SH3D19: variants seen among roughly 807,000 people sequenced by gnomAD.
The protein encoded by SH3D19 is SH3 domain-containing protein 19.
Under a neutral mutation model 112.1 loss-of-function variants are expected in SH3D19, and 58 were observed. The observed-to-expected ratio is 0.52, with a 90% CI of 0.42 to 0.64. The LOEUF (loss-of-function observed/expected upper bound fraction) is 0.64. Ranked by LOEUF, SH3D19 falls within the 30% of genes least tolerant of loss-of-function variation. The pLI is 0.00. For synonymous variants in SH3D19, 391 were observed against 448.5 expected (o/e 0.87, Z 1.62); for missense variants, 1,090 against 1,263.4 (o/e 0.86, Z 2.08).
intron 11 of SH3D19, 32 bp downstream of exon 11, chr4:151,147,890 T>C: frequency 6.4e-7 from 1 of 1,566,340 alleles, no homozygotes; most frequent in Non-Finnish European, 8.6e-7. Flanking sequence ...GCACACCTCT[T>C]GACCACAAAC....
intron 2 of SH3D19, among the ~76,000 whole-genome samples, chr4:151,214,168 G>T: frequency 6.6e-6 from 1 of 151,928 alleles, no homozygotes; most frequent in East Asian, 1.9e-4. Flanking sequence ...ATGTTTCAGA[G>T]AGCACAGGGC....
At chr4:151,313,105 T>C (rs879604803) in intron 1 of SH3D19, among the ~76,000 whole-genome samples, 2 of 117,846 alleles carry the variant, frequency 1.7e-5, no homozygotes, top group African/African-American at 5.8e-5. Context: ...AAAAAAAAAA[T>C]GCAGAGTTGC....
chr4:151,264,860 A>T (rs534990522), intron 1 of SH3D19, among the ~76,000 whole-genome samples: 1 of 152,252 alleles, frequency 6.6e-6, no homozygotes, highest in African/African-American at 2.4e-5. Context: ...GCTGAGTTGG[A>T]TTTCATAGGA....
At position 151,320,866 on chromosome 4, in the gene SH3D19, C is replaced by T. The variant is rs574788499; in HGVS notation, c.112+4375G>A. Among the ~76,000 whole-genome samples, 9 of 152,042 alleles carry T rather than the reference C, an allele frequency of 5.9e-5. No individual in the cohort carries two copies. The East Asian group carries it at 9.6e-4, about 16-fold the overall frequency. On this transcript the variant is annotated intron_variant, in intron 1 of 19. Transcript: ENST00000604030. Reference sequence around the variant, plus strand: ...ACCAGCCTGGGCAACATGGCAAAACCCCGCCTCTACTAAAAATACAAAAAT... The same window carrying T: ...ACCAGCCTGGGCAACATGGCAAAACTCCGCCTCTACTAAAAATACAAAAAT...
chr4:151,281,748 T>C (rs539162959), intron 1 of SH3D19, among the ~76,000 whole-genome samples: 1 of 152,186 alleles, frequency 6.6e-6, no homozygotes, highest in Non-Finnish European at 1.5e-5. Context: ...TATGTGTAAC[T>C]GTGGTTATAT....
intron 7 of SH3D19, among the ~76,000 whole-genome samples, chr4:151,169,493 C>G (rs1353053979): frequency 1.3e-5 from 2 of 152,154 alleles, no homozygotes; most frequent in African/African-American, 4.8e-5. Flanking sequence ...GGAGGATAAA[C>G]AGCATCACTT....
At chr4:151,296,340 T>C (rs2126306732) in intron 1 of SH3D19, among the ~76,000 whole-genome samples, 1 of 152,200 alleles carries the variant, frequency 6.6e-6, no homozygotes, top group South Asian at 2.1e-4. Context: ...AGACATAAAA[T>C]GAAAAGTTCA....
At chr4:151,237,379 G>A (rs947272776) in intron 1 of SH3D19, among the ~76,000 whole-genome samples, 2 of 152,138 alleles carry the variant, frequency 1.3e-5, no homozygotes, top group Non-Finnish European at 2.9e-5. Context: ...GTACATCTCA[G>A]AATAACAGCT....
intron 2 of SH3D19, among the ~76,000 whole-genome samples, chr4:151,219,795 A>G (rs1276293471): frequency 6.6e-6 from 1 of 152,210 alleles, no homozygotes; most frequent in Non-Finnish European, 1.5e-5. Context: ...TCATGTACAT[A>G]AATCTTAAAT....
chr4:151,244,971 C>G (rs1044021842), intron 1 of SH3D19, among the ~76,000 whole-genome samples: 1 of 151,878 alleles, frequency 6.6e-6, no homozygotes, highest in Non-Finnish European at 1.5e-5. Flanking sequence ...GGTGAAATCT[C>G]GTATCTACTA....
chr4:151,134,594 A>G (rs1369770103), intron 15 of SH3D19, among the ~76,000 whole-genome samples: 1 of 152,210 alleles, frequency 6.6e-6, no homozygotes, highest in Admixed American at 6.6e-5. Flanking sequence ...CCAAAATAAA[A>G]TGCAGTAAAT....
chr4:151,147,924 T>G lies in SH3D19; in HGVS notation c.2080A>C (p.Met694Leu), dbSNP rs80349695. 6.3e-7 allele frequency: 1 copy of G among 1,597,882 alleles called. No homozygotes were observed. Among genetic ancestry groups the G allele is most frequent in the African/African-American group, 1.4e-5 (1 of 73,914 alleles). Residue 694 changes from methionine (M) to leucine (L), a missense_variant and splice_region_variant, in exon 11 of 20, where the codon ATG becomes CTG. Met to Leu is a conservative substitution (Grantham distance 15, BLOSUM62 2). Transcript: ENST00000604030. ...KPGHPLYSKY[M>L]RGDVLVMLKQ... Reference sequence around the variant, plus strand: ...ACATTTTTAAAAGCTAAATTTACCATGTATTTACTGTAGAGAGGGTGTCCT... The same window carrying G: ...ACATTTTTAAAAGCTAAATTTACCAGGTATTTACTGTAGAGAGGGTGTCCT...
rs146461982 is a variant in SH3D19 at position 151,226,079 on chromosome 4, G to A, written c.120C>T (p.Asn40=). The A allele has an allele frequency of 4.0e-5, 49 of 1,231,628 alleles. No homozygotes were observed. The highest frequency in any genetic ancestry group is 7.8e-5 in the African/African-American group (5 of 64,504). The allele number at this position is 1,231,628 out of a possible 1,614,324, so 76.3% of individuals were successfully genotyped here. The part of the protein sequence containing the change: ...ALSGHSAADR[N]ERNKPEHRSS... ...AACGATGTTCTGGTTTATTTCGTTC[G>A]TTGCGATCTGTAGAGAAAGAAGATG... The change falls in exon 2 of 20, where the codon AAC becomes AAT. Residue 40 remains asparagine (N), a synonymous_variant. Coordinates refer to ENST00000604030, the MANE Select transcript of SH3D19 (RefSeq NM_001378122.1).
intron 1 of SH3D19, among the ~76,000 whole-genome samples, chr4:151,321,975 T>C (rs1730571634): frequency 6.6e-6 from 1 of 152,180 alleles, no homozygotes; most frequent in Non-Finnish European, 1.5e-5. Flanking sequence ...TACCACTCTC[T>C]GTCAGGTCAG....
chr4:151,266,373 G>A (rs746931197), intron 1 of SH3D19: 1 of 152,134 alleles, frequency 6.6e-6, no homozygotes, highest in Non-Finnish European at 1.5e-5. Flanking sequence ...ATAGAAAAGT[G>A]GTCTTTCAGT....
Position 151,174,857 on chromosome 4 carries a change from T to C in SH3D19, c.1347A>G (p.Arg449=). ...CTTTGGCTTGTGATGCCCCTGCGAG[T>C]CGGGGAGGAACAGTGACAGGTTTCA... ...APLKPVTVPP[R]LAGASQAKAY... The change falls in exon 7 of 20, where the codon CGA becomes CGG. Residue 449 remains arginine (R), a synonymous_variant. Coordinates refer to ENST00000604030, the MANE Select transcript of SH3D19 (RefSeq NM_001378122.1). 6.3e-7 allele frequency: 1 copy of C among 1,599,450 alleles called. No individual in the cohort carries two copies. The highest frequency in any genetic ancestry group is 8.5e-7 in the Non-Finnish European group (1 of 1,172,836).
intron 2 of SH3D19, among the ~76,000 whole-genome samples, chr4:151,196,294 G>A (rs1294670687): frequency 6.6e-6 from 1 of 152,098 alleles, no homozygotes; most frequent in Non-Finnish European, 1.5e-5. Context: ...ATGTGGTGGT[G>A]CGTGCCTGCC....
intron 7 of SH3D19, among the ~76,000 whole-genome samples, chr4:151,173,581 A>T (rs547244649): frequency 6.6e-6 from 1 of 152,358 alleles, no homozygotes; most frequent in Admixed American, 6.5e-5. Context: ...GCAGAAGCTT[A>T]ATATATTCAA....
rs1297980014 is a variant in SH3D19, at chr4:151,133,017, A to C, written c.2689+17T>G. ...GAATTAGGACATAACATAATAAAAA[A>C]AATTCTCTATACTCACTTAAAACAT... On this transcript the variant is annotated intron_variant, in intron 16 of 19. Coordinates refer to ENST00000604030, the MANE Select transcript of SH3D19 (RefSeq NM_001378122.1). 5.6e-6 allele frequency: 9 copies of C among 1,604,420 alleles called. No homozygotes were observed. The Admixed American group carries it at 8.5e-5, about 15-fold the overall frequency.
Sources: allele counts gnomAD v4.1 joint callset (sites outside exome capture counted in the v4.1 genomes callset), GRCh38; gene constraint gnomAD v4.1.1; transcripts MANE v1.5; gene names NCBI Gene and HGNC (gene_info 2026-07-23, HGNC 2026-07-21).